CDC42SE2: variants seen among roughly 807,000 people sequenced by gnomAD.
The protein encoded by CDC42SE2 is CDC42 small effector protein 2.
Under a neutral mutation model 11.5 loss-of-function variants are expected in CDC42SE2, and 3 were observed. The ratio of observed to expected loss-of-function variants is 0.26; its 90% CI spans 0.12 to 0.67. The LOEUF (loss-of-function observed/expected upper bound fraction) is 0.67. CDC42SE2 is among the 30% of genes least tolerant of loss of function. CDC42SE2 has a pLI of 0.80. For synonymous variants in CDC42SE2, 33 were observed against 34.8 expected (o/e 0.95, Z 0.18); for missense variants, 82 against 106.8 (o/e 0.77, Z 1.02).
At chr5:131,281,700 C>A (rs908068618) in intron 1 of CDC42SE2, among the ~76,000 whole-genome samples, 4 of 152,098 alleles carry the variant, frequency 2.6e-5, no homozygotes, top group African/African-American at 9.7e-5. Context: ...AAAGTCTTGC[C>A]TGATTTTCCA....
At chr5:131,367,542 A>G (rs1237287346) in intron 3 of CDC42SE2, among the ~76,000 whole-genome samples, 1 of 152,192 alleles carries the variant, frequency 6.6e-6, no homozygotes, top group Non-Finnish European at 1.5e-5. Flanking sequence ...TCTGATGGGT[A>G]AGGTGGGATT....
chr5:131,258,493 C>T (rs188234583), intron 2 of CDC42SE2, among the ~76,000 whole-genome samples: 19 of 152,194 alleles, frequency 1.2e-4, no homozygotes, highest in Admixed American at 1.2e-3. Context: ...TTGTTGTCCC[C>T]AGAGGCATTT....
chr5:131,337,722 T>C (rs1758608393), intron 2 of CDC42SE2, among the ~76,000 whole-genome samples: 1 of 152,204 alleles, frequency 6.6e-6, no homozygotes, highest in African/African-American at 2.4e-5. Context: ...CTCAGACTGC[T>C]GTGCTAGCAA....
intron 2 of CDC42SE2, among the ~76,000 whole-genome samples, chr5:131,352,037 A>G (rs1404905490): frequency 2.0e-5 from 3 of 152,212 alleles, no homozygotes; most frequent in African/African-American, 7.2e-5. Flanking sequence ...AGCACATGAA[A>G]AGACTTAATA....
At chr5:131,306,427 G>T (rs1215298053) in intron 1 of CDC42SE2, among the ~76,000 whole-genome samples, 1 of 152,066 alleles carries the variant, frequency 6.6e-6, no homozygotes, top group African/African-American at 2.4e-5. Context: ...TTTATTTCTG[G>T]GCTTTCTATC....
chr5:131,216,489 G>A, the CDC42SE2 span, among the ~76,000 whole-genome samples: 1 of 113,898 alleles, frequency 8.8e-6, no homozygotes, highest in South Asian at 2.6e-4. Flanking sequence ...ACAACAGAAT[G>A]AGAACCTGTC....
chr5:131,270,162 CAGG>C (rs1165579273), intron 1 of CDC42SE2, among the ~76,000 whole-genome samples: 1 of 152,092 alleles, frequency 6.6e-6, no homozygotes, highest in African/African-American at 2.4e-5. Flanking sequence ...ATCATGAGGT[CAGG>C]AGATCAAGAC....
chr5:131,376,175 G>T (rs1359285667), intron 3 of CDC42SE2, among the ~76,000 whole-genome samples: 1 of 151,916 alleles, frequency 6.6e-6, no homozygotes, highest in African/African-American at 2.4e-5. Context: ...GGAGGCGGAG[G>T]TTGCAGTGAG....
chr5:131,277,844 A>G (rs1299523410), intron 1 of CDC42SE2, among the ~76,000 whole-genome samples: 1 of 152,100 alleles, frequency 6.6e-6, no homozygotes, highest in Non-Finnish European at 1.5e-5. Context: ...CCTTGAAATT[A>G]TGTGTTTTTT....
chr5:131,306,846 G>T (rs754184675), intron 1 of CDC42SE2, among the ~76,000 whole-genome samples: 3 of 151,904 alleles, frequency 2.0e-5, no homozygotes, highest in Non-Finnish European at 4.4e-5. Flanking sequence ...ATACTTTTTG[G>T]AGGCTATTGT....
intron 1 of CDC42SE2, among the ~76,000 whole-genome samples, chr5:131,309,190 T>G (rs961884156): frequency 6.6e-6 from 1 of 152,212 alleles, no homozygotes; most frequent in Non-Finnish European, 1.5e-5. Flanking sequence ...CTTTTCTGCA[T>G]CTATTGAGAT....
At chr5:131,248,651 T>C (rs1756615707) in intron 1 of CDC42SE2, among the ~76,000 whole-genome samples, 1 of 152,192 alleles carries the variant, frequency 6.6e-6, no homozygotes, top group African/African-American at 2.4e-5. Context: ...TCAATTGCAT[T>C]ACTACATATT....
intron 2 of CDC42SE2, among the ~76,000 whole-genome samples, chr5:131,358,313 G>A (rs1749611589): frequency 1.3e-5 from 2 of 152,036 alleles, no homozygotes; most frequent in African/African-American, 2.4e-5. Context: ...AAAACCAAAC[G>A]TCTGGTGCAC....
At chr5:131,285,283 C>T (rs1382747484) in intron 1 of CDC42SE2, among the ~76,000 whole-genome samples, 1 of 151,924 alleles carries the variant, frequency 6.6e-6, no homozygotes, top group Non-Finnish European at 1.5e-5. Context: ...TTGCTCCCCC[C>T]GCCCCAAAAT....
intron 2 of CDC42SE2, among the ~76,000 whole-genome samples, chr5:131,336,159 G>T (rs1469906209): frequency 1.1e-4 from 16 of 152,224 alleles, no homozygotes; most frequent in African/African-American, 3.1e-4. Context: ...TTTAGGGCAG[G>T]CCTGGTGGTG....
chr5:131,390,449 C>T (rs2431304), intron 4 of CDC42SE2, among the ~76,000 whole-genome samples: 34,331 of 151,868 alleles, frequency 0.23, 4,178 homozygotes, highest in East Asian at 0.48. Context: ...CTTTGGGAGG[C>T]CGAAGCAGTC....
intron 1 of CDC42SE2, among the ~76,000 whole-genome samples, chr5:131,295,256 C>G (rs1488583477): frequency 6.6e-6 from 1 of 150,446 alleles, no homozygotes; most frequent in Non-Finnish European, 1.5e-5. Flanking sequence ...GCACTCCAGC[C>G]TGGGTGACAG....
chr5:131,233,347 T>C, the CDC42SE2 span, among the ~76,000 whole-genome samples: 1 of 152,292 alleles, frequency 6.6e-6, no homozygotes, highest in African/African-American at 2.4e-5. Flanking sequence ...GATATTTATG[T>C]TGTTTAATGT....
chr5:131,361,076 T>A (rs529849926), intron 3 of CDC42SE2, among the ~76,000 whole-genome samples: 8 of 151,106 alleles, frequency 5.3e-5, no homozygotes, highest in African/African-American at 1.9e-4. Context: ...TTTGTTTGTT[T>A]TTTTTTTTGG....
Sources: allele counts gnomAD v4.1 joint callset (sites outside exome capture counted in the v4.1 genomes callset), GRCh38; gene constraint gnomAD v4.1.1; transcripts MANE v1.5; gene names NCBI Gene and HGNC (gene_info 2026-07-23, HGNC 2026-07-21).